OTOF: variants seen among roughly 807,000 people sequenced by gnomAD.
The protein encoded by OTOF is otoferlin, also known as fer-1-like family member 2.
Under a neutral mutation model 236.8 loss-of-function variants are expected in OTOF, and 218 were observed. The ratio of observed to expected loss-of-function variants is 0.92; its 90% CI spans 0.82 to 1.03. OTOF has a LOEUF of 1.03. OTOF is among the 50% of genes least tolerant of loss of function. The probability of loss-of-function intolerance (pLI) is 0.00; values close to 1 mark genes in which losing one functional copy is unlikely to be tolerated. For missense variants in OTOF, 2,590 were observed against 2,694.4 expected (o/e 0.96, Z 0.86); for synonymous variants, 1,041 against 1,072.5 (o/e 0.97, Z 0.57).
chr2:26,534,629 A>G (rs1346056859), intron 2 of OTOF, among the ~76,000 whole-genome samples: 2 of 152,142 alleles, frequency 1.3e-5, no homozygotes, highest in Non-Finnish European at 2.9e-5. Context: ...GCTGTGAGAG[A>G]CATTTGCTTT....
chr2:26,506,728 G>A (rs906991468), intron 5 of OTOF, among the ~76,000 whole-genome samples: 9 of 152,266 alleles, frequency 5.9e-5, no homozygotes, highest in South Asian at 2.1e-4. Context: ...GGTCCGGTGC[G>A]GTGACTCACA....
chr2:26,457,834 G>A lies in OTOF; in HGVS notation c.*404C>T. On this transcript the variant is annotated 3_prime_UTR_variant, in exon 47 of 47. Coordinates refer to ENST00000272371, the MANE Select transcript of OTOF (RefSeq NM_194248.3). This position sits in a 1 kb window ranked among gnomAD's most constrained non-coding sequence, Gnocchi z 4.4. The stretch of plus-strand genomic sequence containing the variant: ...CCATCCAAGGCTCCCCAGCCCACAG[G>A]CAGGGGTCAGAGGGGCGGGACTGGG... 1.7e-6 allele frequency: 1 copy of A among 573,516 alleles called. No homozygotes were observed. Among genetic ancestry groups the A allele is most frequent in the Non-Finnish European group, 3.1e-6 (1 of 324,658 alleles). 35.5% of individuals were successfully genotyped at this position (573,516 alleles called of 1,614,324 possible). A position where few individuals can be genotyped will look rare whatever the true frequency, so the allele number is the denominator to read the frequency against.
chr2:26,518,019 C>T (rs879845767), intron 4 of OTOF, among the ~76,000 whole-genome samples: 11 of 152,108 alleles, frequency 7.2e-5, no homozygotes, highest in African/African-American at 1.7e-4. Flanking sequence ...GCTGAGACCC[C>T]GGTAACTTTA....
chr2:26,555,557 TG>T (rs1667565898), intron 1 of OTOF, among the ~76,000 whole-genome samples: 3 of 151,998 alleles, frequency 2.0e-5, no homozygotes, highest in African/African-American at 7.2e-5. Context: ...CTGAGGGCAG[TG>T]GGAAAAGAGG....
rs1452914288 is a variant in OTOF, at chr2:26,457,275, A to C, written c.*963T>G. 6.5e-6 allele frequency: 1 copy of C among 153,312 alleles called. No homozygotes were observed. Among genetic ancestry groups the C allele is most frequent in the Non-Finnish European group, 1.5e-5 (1 of 68,896 alleles). 9.5% of individuals were successfully genotyped at this position (153,312 alleles called of 1,614,324 possible). On this transcript the variant is annotated 3_prime_UTR_variant, in exon 47 of 47. Transcript: ENST00000272371. This position sits in a 1 kb window ranked among gnomAD's most constrained non-coding sequence, Gnocchi z 4.4. Reference sequence around the variant, plus strand: ...AGAAAAACAGCCAACAGAAACCCAGACACAGGCAGGGGCAGCACTTGACGG... The same window carrying C: ...AGAAAAACAGCCAACAGAAACCCAGCCACAGGCAGGGGCAGCACTTGACGG...
In OTOF at chr2:26,477,384, C is replaced by A; in HGVS notation, c.2406+32G>T. 3 of 1,568,728 alleles carry A rather than the reference C, an allele frequency of 1.9e-6. No individual in the cohort carries two copies. The highest frequency in any genetic ancestry group is 2.3e-5 in the East Asian group (1 of 42,612). ...ACACCTTCTCACAACCAGGCCCTCC[C>A]TCCAGCCCCCGCCGTCCAGTTGCGT... On this transcript the variant is annotated intron_variant, in intron 20 of 46. Coordinates refer to ENST00000272371, the MANE Select transcript of OTOF (RefSeq NM_194248.3). The surrounding 1 kb of genome is among the most constrained non-coding windows in gnomAD (Gnocchi z 4.7).
chr2:26,490,332 T>C (rs1665809277), intron 9 of OTOF, among the ~76,000 whole-genome samples: 1 of 152,156 alleles, frequency 6.6e-6, no homozygotes, highest in South Asian at 2.1e-4. Context: ...GAGGTGAAAC[T>C]GTAAAATAAC....
chr2:26,473,421 G>T lies in OTOF; in HGVS notation c.3555C>A (p.Val1185=). 1 of 1,613,512 alleles carries T rather than the reference G, an allele frequency of 6.2e-7. No homozygotes were observed. The highest frequency in any genetic ancestry group is 8.5e-7 in the Non-Finnish European group (1 of 1,180,000). ...YKKNPNFNTL[V]KWFEVDLPEN... ...CTGCACTCACCACTTCAAACCACTTGACGAGGGTGTTGAAGTTGGGGTTCT... is the reference window on the plus strand; with the variant it reads ...CTGCACTCACCACTTCAAACCACTTTACGAGGGTGTTGAAGTTGGGGTTCT... The change falls in exon 28 of 47, where the codon GTC becomes GTA. Residue 1185 remains valine, a synonymous_variant. Transcript: ENST00000272371. This position sits in a 1 kb window ranked among gnomAD's most constrained non-coding sequence, Gnocchi z 7.2.
chr2:26,537,970 G>C (rs909074627), intron 1 of OTOF, among the ~76,000 whole-genome samples, 196 bp from the exon 2 acceptor site: 1 of 152,160 alleles, frequency 6.6e-6, no homozygotes, highest in Non-Finnish European at 1.5e-5. Flanking sequence ...CAGCAGCCTC[G>C]TGAGGGAAGC....
intron 46 of OTOF, among the ~76,000 whole-genome samples, chr2:26,458,647 G>T (rs1664305786): frequency 6.6e-6 from 1 of 152,166 alleles, no homozygotes; most frequent in Non-Finnish European, 1.5e-5. Flanking sequence ...GCCCCTGTGG[G>T]GTGCAAGCTG....
At chr2:26,518,914 G>A in intron 4 of OTOF, 96 bp downstream of exon 4, 1 of 856,686 alleles carries the variant, frequency 1.2e-6, no homozygotes. Context: ...ATGCATGAGA[G>A]GCATTCCCCA....
At chr2:26,513,461 G>C (rs1195969747) in intron 5 of OTOF, among the ~76,000 whole-genome samples, 2 of 152,136 alleles carry the variant, frequency 1.3e-5, no homozygotes, top group Admixed American at 6.5e-5. Flanking sequence ...CCCGGGGCCT[G>C]TCTGGGCTGA....
Position 26,502,429 on chromosome 2 carries a change from G to A in OTOF, c.584-3C>T, listed in dbSNP as rs768304100. 1 of 1,612,204 alleles carries A rather than the reference G, an allele frequency of 6.2e-7. No individual in the cohort carries two copies. Among genetic ancestry groups the A allele is most frequent in the Admixed American group, 1.7e-5 (1 of 59,858 alleles). ...CATCTCCAGCACCGCCGGTTCATCT[G>A]GGGAAGATGAAAGACTGGTTAGGTG... On this transcript the variant is annotated splice_polypyrimidine_tract_variant and splice_region_variant and intron_variant, in intron 6 of 46. Coordinates refer to ENST00000272371, the MANE Select transcript of OTOF (RefSeq NM_194248.3).
intron 16 of OTOF, 92 bp from the exon 17 acceptor site, chr2:26,479,745 G>A (rs982237933): frequency 8.0e-7 from 1 of 1,254,082 alleles, no homozygotes. Flanking sequence ...TTTGGGAAAG[G>A]GGAGAGGGAG....
At position 26,460,098 on chromosome 2, in the gene OTOF, A is replaced by T. The variant is rs1355756815; in HGVS notation, c.5921T>A (p.Leu1974Gln). ...WLLLKLLLLL[L>Q]LLLLLALFLY... Reference sequence around the variant, plus strand: ...GAACAGGGCGAGGAGGAGGAGCAGCAGCAGGAGCAGCAACAGTTTGAGGAG... The same window carrying T: ...GAACAGGGCGAGGAGGAGGAGCAGCTGCAGGAGCAGCAACAGTTTGAGGAG... Residue 1974 changes from leucine (L) to glutamine (Q), a missense_variant, in exon 46 of 47, where the codon CTG becomes CAG. Transcript: ENST00000272371. This position sits in a 1 kb window ranked among gnomAD's most constrained non-coding sequence, Gnocchi z 5.3. 6.3e-7 allele frequency: 1 copy of T among 1,582,756 alleles called. No individual in the cohort carries two copies. The highest frequency in any genetic ancestry group is 1.8e-5 in the Admixed American group (1 of 54,744).
intron 3 of OTOF, among the ~76,000 whole-genome samples, chr2:26,519,738 A>G (rs1181649548): frequency 6.6e-6 from 1 of 152,190 alleles, no homozygotes. Context: ...CTTCCTGGGC[A>G]ACTTCCTTAA....
intron 18 of OTOF, among the ~76,000 whole-genome samples, chr2:26,478,553 C>A (rs1213965266): frequency 6.6e-6 from 1 of 152,152 alleles, no homozygotes; most frequent in Non-Finnish European, 1.5e-5. Context: ...AACAGCTGCA[C>A]TCCTCGCCCA....
At chr2:26,474,163 C>G in intron 26 of OTOF, 53 bp from the exon 27 acceptor site, 1 of 1,610,496 alleles carries the variant, frequency 6.2e-7, no homozygotes, top group Non-Finnish European at 8.5e-7. Context: ...GACAGGGTCT[C>G]TTTCCCCATG....
At chr2:26,546,203 G>A (rs1245644771) in intron 1 of OTOF, among the ~76,000 whole-genome samples, 2 of 152,224 alleles carry the variant, frequency 1.3e-5, no homozygotes, top group African/African-American at 4.8e-5. Context: ...GCTCATGCCT[G>A]TAATCCCAGC....
Sources: allele counts gnomAD v4.1 joint callset (sites outside exome capture counted in the v4.1 genomes callset), GRCh38; gene constraint gnomAD v4.1.1; non-coding constraint Gnocchi (gnomAD v3.1); transcripts MANE v1.5; gene names NCBI Gene and HGNC (gene_info 2026-07-23, HGNC 2026-07-21).